Variants in SEPTIN11 observed in about 807,000 individuals in gnomAD.
The protein encoded by SEPTIN11 is septin 11.
SEPTIN11 carries 25 observed loss-of-function variants against 51.4 expected under a neutral mutation model. The observed-to-expected ratio is 0.49, with a 90% confidence interval of 0.35 to 0.68. The LOEUF (loss-of-function observed/expected upper bound fraction) is 0.68. Among genes scored for constraint, SEPTIN11 ranks in the 30% least tolerant of loss-of-function variants. The pLI, the probability that SEPTIN11 is intolerant of heterozygous loss-of-function variation, is 0.00. For missense variants in SEPTIN11, 381 were observed against 520.8 expected (o/e 0.73, Z 2.61); for synonymous variants, 174 against 184.1 (o/e 0.95, Z 0.44).
intron 7 of SEPTIN11, chr4:77,020,886 G>A (rs1725671399): frequency 1.9e-6 from 1 of 527,344 alleles, no homozygotes. Flanking sequence ...ACATTTTACA[G>A]ATGAGGAAAC....
chr4:77,021,145 G>A (rs13138427), intron 7 of SEPTIN11: 2 of 153,162 alleles, frequency 1.3e-5, no homozygotes, highest in African/African-American at 2.4e-5. Flanking sequence ...TTAGCTTTCA[G>A]TGGTTCGGTA....
chr4:76,955,480 G>A (rs1009163862), intron 1 of SEPTIN11, among the ~76,000 whole-genome samples: 1 of 152,176 alleles, frequency 6.6e-6, no homozygotes, highest in South Asian at 2.1e-4. Context: ...AGGGAGAGTG[G>A]ACAGACAAGA....
At chr4:77,008,526 G>A (rs764448092) in intron 3 of SEPTIN11, among the ~76,000 whole-genome samples, 2 of 152,206 alleles carry the variant, frequency 1.3e-5, no homozygotes, top group African/African-American at 2.4e-5. Context: ...GGAAAAACAT[G>A]GTAAGTATTT....
chr4:76,995,309 G>A (rs369205448), intron 1 of SEPTIN11, among the ~76,000 whole-genome samples: 3 of 152,200 alleles, frequency 2.0e-5, no homozygotes, highest in East Asian at 3.9e-4. Context: ...TTGAACCTAG[G>A]AGGCAGAGGT....
chr4:76,988,407 T>A (rs549872663), intron 1 of SEPTIN11, among the ~76,000 whole-genome samples: 6 of 152,372 alleles, frequency 3.9e-5, no homozygotes, highest in Admixed American at 3.3e-4. Context: ...TGGTACTCGA[T>A]GAATATTTGC....
chr4:77,002,171 G>T (rs1027427100), intron 2 of SEPTIN11, among the ~76,000 whole-genome samples: 6 of 152,124 alleles, frequency 3.9e-5, no homozygotes, highest in Non-Finnish European at 5.9e-5. Flanking sequence ...AGGAACAGTG[G>T]TTTTTTTCAA....
intron 1 of SEPTIN11, among the ~76,000 whole-genome samples, chr4:76,968,409 GAA>G (rs1417661900): frequency 3.3e-5 from 5 of 152,092 alleles, no homozygotes; most frequent in Admixed American, 6.5e-5. Context: ...CTCTACAGCT[GAA>G]ACCCAGCATC....
chr4:77,034,415 G>C (rs1726888632), intron 9 of SEPTIN11, 82 bp from the exon 10 acceptor site: 1 of 1,222,226 alleles, frequency 8.2e-7, no homozygotes. Context: ...ATCACTGAAT[G>C]CTGGTGCTGT....
At chr4:76,995,726 G>T in intron 1 of SEPTIN11, 1 of 1,385,022 alleles carries the variant, frequency 7.2e-7, no homozygotes, top group Non-Finnish European at 9.4e-7. Flanking sequence ...TTTTACTTTA[G>T]CTTCCAGCCA....
At chr4:76,970,843 A>C (rs1722209228) in intron 1 of SEPTIN11, among the ~76,000 whole-genome samples, 1 of 152,202 alleles carries the variant, frequency 6.6e-6, no homozygotes, top group Admixed American at 6.5e-5. Context: ...AATTATGTGT[A>C]TAGGATTGAC....
At chr4:77,025,034 C>T (rs1726009011) in intron 7 of SEPTIN11, among the ~76,000 whole-genome samples, 1 of 152,162 alleles carries the variant, frequency 6.6e-6, no homozygotes, top group South Asian at 2.1e-4. Context: ...GAAGGATGAA[C>T]TGAAGTGTCT....
chr4:76,982,928 GT>G (rs370774954), intron 1 of SEPTIN11, among the ~76,000 whole-genome samples: 1 of 151,022 alleles, frequency 6.6e-6, no homozygotes, highest in Non-Finnish European at 1.5e-5. Flanking sequence ...ACAGTTGTGT[GT>G]TTTTTTTGTT....
At chr4:77,019,485 C>T (rs543228902) in intron 6 of SEPTIN11, among the ~76,000 whole-genome samples, 13 of 152,266 alleles carry the variant, frequency 8.5e-5, no homozygotes, top group African/African-American at 2.6e-4. Context: ...TTGAGGTAAC[C>T]CCTCAAGGAT....
Position 77,016,633 on chromosome 4 carries a change from C to CATATATATATATATATATATATAT in SEPTIN11, c.687+1639_687+1640insTATATATATATATATATATATATA, listed in dbSNP as rs1234653472. 1.8e-3 allele frequency among the ~76,000 whole-genome samples: 131 copies of CATATATATATATATATATATATAT among 72,700 alleles called. 4 individuals are homozygous for CATATATATATATATATATATATAT. Among genetic ancestry groups the CATATATATATATATATATATATAT allele is most frequent in the African/African-American group, 4.3e-3 (81 of 19,052 alleles). 47.7% of individuals were successfully genotyped at this position (72,700 alleles called of 152,430 possible). ...ATATACACATATATATATATATACA[C>CATATATATATATATATATATATAT]ATATATATATATATATATATATACA... On this transcript the variant is annotated intron_variant, in intron 5 of 9. Coordinates refer to ENST00000264893, the MANE Select transcript of SEPTIN11 (RefSeq NM_018243.4).
At chr4:77,025,093 C>T (rs949270832) in intron 7 of SEPTIN11, among the ~76,000 whole-genome samples, 4 of 147,222 alleles carry the variant, frequency 2.7e-5, no homozygotes, top group African/African-American at 9.8e-5. Flanking sequence ...CCTGCCTCTC[C>T]CAAGGGCTGT....
chr4:77,013,734 T>C lies in SEPTIN11; in HGVS notation c.526-1122T>C, dbSNP rs1236665464. Among the ~76,000 whole-genome samples, 5 of 152,154 alleles carry C rather than the reference T, an allele frequency of 3.3e-5. No individual in the cohort carries two copies. In the South Asian group the frequency reaches 1.0e-3, roughly 31 times the overall value. ...TCATCTCATTCGGGTTTATCAGGAT[T>C]TCTAATTTGGCCTTTGGATAAAAGG... On this transcript the variant is annotated intron_variant, in intron 4 of 9. Coordinates refer to ENST00000264893, the MANE Select transcript of SEPTIN11 (RefSeq NM_018243.4).
chr4:76,951,034 C>G (rs1353515254), intron 1 of SEPTIN11, among the ~76,000 whole-genome samples: 1 of 152,178 alleles, frequency 6.6e-6, no homozygotes, highest in Non-Finnish European at 1.5e-5. Flanking sequence ...AGCTGTGCAG[C>G]TGCAGGTGGT....
chr4:76,971,441 T>G (rs1055874816), intron 1 of SEPTIN11, among the ~76,000 whole-genome samples: 1 of 148,676 alleles, frequency 6.7e-6, no homozygotes, highest in Non-Finnish European at 1.5e-5. Context: ...ATGGAGAGGT[T>G]TTTTTTTTTA....
chr4:76,981,008 A>G (rs1722744675), intron 1 of SEPTIN11, among the ~76,000 whole-genome samples: 1 of 152,220 alleles, frequency 6.6e-6, no homozygotes, highest in Non-Finnish European at 1.5e-5. Context: ...CATACTCTTA[A>G]TCTATCAATC....
Sources: allele counts gnomAD v4.1 joint callset (sites outside exome capture counted in the v4.1 genomes callset), GRCh38; gene constraint gnomAD v4.1.1; transcripts MANE v1.5; gene names NCBI Gene and HGNC (gene_info 2026-07-23, HGNC 2026-07-21).